EYS: variants seen among roughly 807,000 people sequenced by gnomAD.
EYS encodes protein eyes shut homolog.
A neutral mutation model predicts 282.1 loss-of-function variants in EYS; 250 were observed. The observed-to-expected ratio is 0.89, with a 90% confidence interval of 0.80 to 0.98. EYS has a LOEUF of 0.98. Ranked by LOEUF, EYS falls within the 50% of genes least tolerant of loss-of-function variation. EYS has a pLI of 0.00. For missense variants in EYS, 4,016 were observed against 3,709.0 expected (o/e 1.08, Z -2.15); for synonymous variants, 1,355 against 1,282.9 (o/e 1.06, Z -1.20).
intron 13 of EYS, among the ~76,000 whole-genome samples, chr6:65,039,470 T>C (rs947325805): frequency 1.3e-5 from 2 of 151,488 alleles, no homozygotes; most frequent in African/African-American, 4.8e-5. Flanking sequence ...CATTATATGT[T>C]TATACATTTC....
At chr6:63,768,409 G>A (rs977346165) in intron 40 of EYS, among the ~76,000 whole-genome samples, 1 of 151,694 alleles carries the variant, frequency 6.6e-6, no homozygotes. Context: ...TAAAAAAATG[G>A]GCAAATGACA....
At chr6:64,051,446 A>G (rs1770807265) in intron 33 of EYS, among the ~76,000 whole-genome samples, 1 of 152,158 alleles carries the variant, frequency 6.6e-6, no homozygotes, top group African/African-American at 2.4e-5. Flanking sequence ...AATCCCTAAC[A>G]TGTACAGGGT....
intron 12 of EYS, among the ~76,000 whole-genome samples, chr6:65,120,458 A>G (rs1476696612): frequency 7.9e-6 from 1 of 126,862 alleles, no homozygotes. Context: ...TCTTTAAATA[A>G]GCAAAAAAAA....
intron 26 of EYS, among the ~76,000 whole-genome samples, chr6:64,588,156 T>C (rs920304078): frequency 1.3e-5 from 2 of 152,018 alleles, no homozygotes; most frequent in African/African-American, 4.8e-5. Flanking sequence ...AAATAATCAC[T>C]GTGATGAAAA....
chr6:65,125,927 T>C (rs963497715), intron 12 of EYS, among the ~76,000 whole-genome samples: 1 of 152,104 alleles, frequency 6.6e-6, no homozygotes, highest in Non-Finnish European at 1.5e-5. Context: ...AGTCTCTACA[T>C]CTGAACCAAA....
At chr6:64,834,513 C>T (rs1050565752) in intron 19 of EYS, among the ~76,000 whole-genome samples, 5 of 151,778 alleles carry the variant, frequency 3.3e-5, no homozygotes, top group Middle Eastern at 6.8e-3. Flanking sequence ...AAGTAAAAAT[C>T]CATAATTAAA....
At chr6:64,026,826 A>G in intron 33 of EYS, among the ~76,000 whole-genome samples, 1 of 152,144 alleles carries the variant, frequency 6.6e-6, no homozygotes, top group East Asian at 1.9e-4. Context: ...TTCAAGCTGT[A>G]GAGGGAGGGG....
chr6:64,620,536 G>T (rs911670728), intron 23 of EYS, among the ~76,000 whole-genome samples: 1 of 152,110 alleles, frequency 6.6e-6, no homozygotes, highest in Non-Finnish European at 1.5e-5. Flanking sequence ...TCTTGCCTCT[G>T]CAGTACAGGA....
At chr6:64,694,551 A>T (rs139147687) in intron 22 of EYS, among the ~76,000 whole-genome samples, 7 of 152,266 alleles carry the variant, frequency 4.6e-5, no homozygotes, top group Non-Finnish European at 1.0e-4. Context: ...CCAGACCCAC[A>T]TGCCAATAGA....
At chr6:64,401,278 T>A (rs1402743224) in intron 28 of EYS, among the ~76,000 whole-genome samples, 3 of 152,090 alleles carry the variant, frequency 2.0e-5, no homozygotes, top group African/African-American at 7.2e-5. Context: ...ATCTTAAGCT[T>A]AACAAAATTG....
chr6:64,085,125 A>T (rs993996749), intron 31 of EYS, among the ~76,000 whole-genome samples: 35 of 151,890 alleles, frequency 2.3e-4, no homozygotes, highest in Admixed American at 2.2e-3. Context: ...TTACAGGTGC[A>T]TGCCACCATG....
chr6:65,351,447 A>G (rs1179840727), intron 9 of EYS, among the ~76,000 whole-genome samples: 1 of 151,756 alleles, frequency 6.6e-6, no homozygotes, highest in Non-Finnish European at 1.5e-5. Context: ...TCTAAAACAT[A>G]TATTTGTTAT....
At chr6:65,133,520 G>A (rs550921008) in intron 12 of EYS, among the ~76,000 whole-genome samples, 21 of 151,998 alleles carry the variant, frequency 1.4e-4, no homozygotes, top group African/African-American at 5.1e-4. Flanking sequence ...CAAGCAGTGT[G>A]AAAAGGACTC....
chr6:64,190,476 C>T lies in EYS; in HGVS notation c.6424+40116G>A, dbSNP rs143268701. Among the ~76,000 whole-genome samples, 633 of 152,230 alleles carry T rather than the reference C, an allele frequency of 4.2e-3. 1 individual carries two copies. The highest frequency in any genetic ancestry group is 0.01 in the Middle Eastern group (3 of 294). On this transcript the variant is annotated intron_variant, in intron 31 of 42. Coordinates refer to ENST00000503581, the MANE Select transcript of EYS (RefSeq NM_001142800.2). ...AGTGTCAGAGCATGCAATCTCCAGG[C>T]ATTGACATTTACATTGGAAACATTG...
At chr6:65,203,592 G>A (rs967694899) in intron 12 of EYS, among the ~76,000 whole-genome samples, 1 of 152,126 alleles carries the variant, frequency 6.6e-6, no homozygotes, top group African/African-American at 2.4e-5. Flanking sequence ...GTAAATGAAA[G>A]TTAATTTAAA....
At chr6:64,093,185 C>T (rs1313919085) in intron 31 of EYS, among the ~76,000 whole-genome samples, 2 of 151,786 alleles carry the variant, frequency 1.3e-5, no homozygotes, top group East Asian at 1.9e-4. Flanking sequence ...AGTCAGGTAG[C>T]GTGATGCCTC....
intron 1 of EYS, among the ~76,000 whole-genome samples, chr6:65,663,500 TATA>T (rs1252558395): frequency 2.0e-5 from 3 of 152,086 alleles, no homozygotes; most frequent in Non-Finnish European, 2.9e-5. Flanking sequence ...CACTAGCAAA[TATA>T]ATGAGAATAT....
At chr6:64,958,473 C>T (rs562638491) in intron 14 of EYS, among the ~76,000 whole-genome samples, 9 of 151,894 alleles carry the variant, frequency 5.9e-5, no homozygotes, top group South Asian at 2.1e-4. Context: ...TCAGGCCGGG[C>T]GCGGTGGCTC....
Position 64,825,904 on chromosome 6 carries a change from C to CATAT in EYS, c.2993-3086_2993-3083dup, listed in dbSNP as rs71860908. Among the ~76,000 whole-genome samples, 478 of 147,710 alleles carry CATAT rather than the reference C, an allele frequency of 3.2e-3. 3 individuals are homozygous for CATAT. Among genetic ancestry groups the CATAT allele is most frequent in the African/African-American group, 0.011 (426 of 40,394 alleles). ...AGTAGAGAGATATTCATAAAGTGCA[C>CATAT]ATATATATATATATATATAAATACA... On this transcript the variant is annotated intron_variant, in intron 19 of 42. Transcript: ENST00000503581.
Sources: allele counts gnomAD v4.1 joint callset (sites outside exome capture counted in the v4.1 genomes callset), GRCh38; gene constraint gnomAD v4.1.1; transcripts MANE v1.5; gene names NCBI Gene and HGNC (gene_info 2026-07-23, HGNC 2026-07-21).